HS1BP3: variants seen among roughly 807,000 people sequenced by gnomAD.
HS1BP3 encodes the protein HCLS1-binding protein 3.
HS1BP3 carries 32 observed loss-of-function variants against 33.5 expected under a neutral mutation model. The observed-to-expected ratio is 0.95, with a 90% CI of 0.72 to 1.28. HS1BP3 has a LOEUF of 1.28. Ranked by LOEUF, HS1BP3 falls within the 50% of genes most tolerant of loss-of-function variation. The probability of loss-of-function intolerance (pLI) is 0.00; values close to 1 mark genes in which losing one functional copy is unlikely to be tolerated. For synonymous variants in HS1BP3, 187 were observed against 209.2 expected (o/e 0.89, Z 0.92); for missense variants, 486 against 502.3 (o/e 0.97, Z 0.31).
chr2:20,630,882 G>T (rs913641196), intron 4 of HS1BP3, among the ~76,000 whole-genome samples: 5 of 152,236 alleles, frequency 3.3e-5, no homozygotes, highest in African/African-American at 1.2e-4. Context: ...TGGGCAGCAG[G>T]TGCATGGAGG....
chr2:20,632,234 T>A (rs913609289), intron 4 of HS1BP3, among the ~76,000 whole-genome samples: 5 of 152,208 alleles, frequency 3.3e-5, no homozygotes, highest in Non-Finnish European at 7.3e-5. Flanking sequence ...ATGCAGGTGA[T>A]GGTGGCCGAC....
At position 20,593,968 on chromosome 2, in the gene HS1BP3, A is replaced by G. The variant is rs953408685; in HGVS notation, c.*13-1174T>C. ...AAACCACCACAGCCTCCATTTCAGA[A>G]GAGGGACGTGGGCTTCTTGCCATGT... On this transcript the variant is annotated intron_variant, in intron 3 of 3. Transcript: ENST00000415264. Among the ~76,000 whole-genome samples the G allele has an allele frequency of 4.6e-5, 7 of 152,350 alleles. No homozygotes were observed. The East Asian group carries it at 1.2e-3, about 25-fold the overall frequency.
At chr2:20,622,495 TGTG>T (rs1236796872) in intron 6 of HS1BP3, 2 of 391,940 alleles carry the variant, frequency 5.1e-6, no homozygotes, top group African/African-American at 4.2e-5. Context: ...TGAAGTGCCA[TGTG>T]GTGCTGGCCC....
chr2:20,640,513 G>A, intron 3 of HS1BP3: 1 of 384,148 alleles, frequency 2.6e-6, no homozygotes, highest in Non-Finnish European at 4.7e-6. Flanking sequence ...TCTCTGTGGG[G>A]GCACAGGTGA....
intron 5 of HS1BP3, among the ~76,000 whole-genome samples, chr2:20,563,697 C>T (rs934612041): frequency 2.0e-5 from 3 of 152,188 alleles, no homozygotes; most frequent in Non-Finnish European, 4.4e-5. Flanking sequence ...CATTCTTTTG[C>T]CATTCCTGCA....
Position 20,618,680 on chromosome 2 carries a change from C to A in HS1BP3, c.*307G>T. The A allele has an allele frequency of 8.2e-7, 1 of 1,220,520 alleles. No individual in the cohort carries two copies. Among genetic ancestry groups the A allele is most frequent in the Non-Finnish European group, 1.0e-6 (1 of 974,992 alleles). The allele number at this position is 1,220,520 out of a possible 1,614,324, so 75.6% of individuals were successfully genotyped here. A position where few individuals can be genotyped will look rare whatever the true frequency, so the allele number is the denominator to read the frequency against. Reference sequence around the variant, plus strand: ...TACGGCCCCACATGTCTTGCTTCATCCTTGGGGCTGGGCTTCTGGTTGGCA... The same window carrying A: ...TACGGCCCCACATGTCTTGCTTCATACTTGGGGCTGGGCTTCTGGTTGGCA... On this transcript the variant is annotated 3_prime_UTR_variant, in exon 7 of 7. Transcript: ENST00000304031.
chr2:20,567,209 A>T lies in HS1BP3; in HGVS notation c.303-6694T>A, dbSNP rs138029287. ...CTGAGAAAAGGTCACATCCTTAGTA[A>T]GTGGCAGCAGCACGGGACTCACATC... On this transcript the variant is annotated intron_variant, in intron 5 of 5. Transcript: ENST00000446825. 2.5e-3 allele frequency among the ~76,000 whole-genome samples: 387 copies of T among 152,078 alleles called. 1 individual carries two copies. Among genetic ancestry groups the T allele is most frequent in the African/African-American group, 9.0e-3 (375 of 41,474 alleles).
Position 20,645,349 on chromosome 2 carries a change from G to C in HS1BP3, c.189C>G (p.Val63=), listed in dbSNP as rs745863439. ...AGAGCCTCCGGCTCACCAAGAACTG[G>C]ACGACATCCTCGGGCCTGTGCTTGG... ...KSAKHRPEDV[V]QFLVSKKYSE... Residue 63 remains valine, a synonymous_variant, in exon 2 of 7, where the codon GTC becomes GTG. Coordinates refer to ENST00000304031, the MANE Select transcript of HS1BP3 (RefSeq NM_022460.4). 5.0e-6 allele frequency: 8 copies of C among 1,613,618 alleles called. No homozygotes were observed. In the Admixed American group the frequency reaches 8.3e-5, roughly 17 times the overall value.
intron 2 of HS1BP3, among the ~76,000 whole-genome samples, chr2:20,599,210 A>G (rs1032071136): frequency 1.3e-5 from 2 of 152,242 alleles, no homozygotes; most frequent in African/African-American, 2.4e-5. Flanking sequence ...AACTGGGACA[A>G]GAAGGTGGAG....
chr2:20,598,758 C>CCA (rs1441427691), intron 2 of HS1BP3, among the ~76,000 whole-genome samples: 1 of 151,772 alleles, frequency 6.6e-6, no homozygotes, highest in Non-Finnish European at 1.5e-5. Flanking sequence ...CGGGGTTTCA[C>CCA]TGTTTTAGCC....
chr2:20,612,593 CACTT>C (rs1245698936), intron 2 of HS1BP3, among the ~76,000 whole-genome samples: 1 of 152,166 alleles, frequency 6.6e-6, no homozygotes, highest in East Asian at 1.9e-4. Flanking sequence ...TAGCTTCTGT[CACTT>C]AACATGATGT....
intron 2 of HS1BP3, among the ~76,000 whole-genome samples, chr2:20,601,516 C>G (rs911588123): frequency 6.6e-6 from 1 of 152,094 alleles, no homozygotes; most frequent in Non-Finnish European, 1.5e-5. Flanking sequence ...GTGGGAGGGA[C>G]CCGGTGGGAG....
chr2:20,561,275 G>A (rs1558314014), intron 5 of HS1BP3, among the ~76,000 whole-genome samples: 1 of 152,186 alleles, frequency 6.6e-6, no homozygotes, highest in African/African-American at 2.4e-5. Context: ...CCCACTGCAT[G>A]CAGAGCCCTG....
chr2:20,598,597 C>A (rs1262667231), intron 2 of HS1BP3, among the ~76,000 whole-genome samples: 18 of 110,744 alleles, frequency 1.6e-4, no homozygotes, highest in African/African-American at 6.3e-4. Flanking sequence ...CTCGCTCTGT[C>A]GCCCAGGCTG....
intron 5 of HS1BP3, among the ~76,000 whole-genome samples, chr2:20,565,968 G>A (rs537136739): frequency 4.6e-5 from 7 of 152,220 alleles, no homozygotes; most frequent in African/African-American, 7.2e-5. Context: ...TACCACATAC[G>A]CATTGCTTCC....
intron 5 of HS1BP3, among the ~76,000 whole-genome samples, chr2:20,566,116 A>C (rs1693120870): frequency 6.6e-6 from 1 of 152,202 alleles, no homozygotes; most frequent in Non-Finnish European, 1.5e-5. Flanking sequence ...GAGGCTCTGC[A>C]GCTCCTGCTA....
intron 5 of HS1BP3, among the ~76,000 whole-genome samples, chr2:20,578,629 C>G (rs1693457875): frequency 6.6e-6 from 1 of 152,196 alleles, no homozygotes; most frequent in Non-Finnish European, 1.5e-5. Context: ...CTCTTCAAAG[C>G]TCAAGAGGAA....
chr2:20,635,830 A>G (rs953127163), intron 4 of HS1BP3: 5 of 152,100 alleles, frequency 3.3e-5, no homozygotes, highest in Admixed American at 3.3e-4. Context: ...TCTATCTTTA[A>G]TTGCTCTCTA....
chr2:20,626,100 C>G (rs192995597), intron 4 of HS1BP3, among the ~76,000 whole-genome samples: 1 of 152,066 alleles, frequency 6.6e-6, no homozygotes, highest in African/African-American at 2.4e-5. Flanking sequence ...TAACACGCTG[C>G]GGCAAAACTG....
Sources: allele counts gnomAD v4.1 joint callset (sites outside exome capture counted in the v4.1 genomes callset), GRCh38; gene constraint gnomAD v4.1.1; transcripts MANE v1.5; gene names NCBI Gene and HGNC (gene_info 2026-07-23, HGNC 2026-07-21).